The following FBXW10 variants were observed in gnomAD, a reference collection of about 807,000 sequenced individuals.
FBXW10 encodes F-box/WD repeat-containing protein 10.
In FBXW10, 68 loss-of-function variants were observed where a neutral mutation model predicts 113.1. The observed-to-expected ratio is 0.60, with a 90% CI of 0.49 to 0.74. FBXW10 has a LOEUF of 0.74. FBXW10 is among the 30% of genes least tolerant of loss of function. FBXW10 has a pLI of 0.00. For missense variants in FBXW10, 753 were observed against 1,284.5 expected (o/e 0.59, Z 6.32); for synonymous variants, 289 against 481.6 (o/e 0.60, Z 5.24).
At chr17:18,767,267 T>A (rs933799068) in intron 9 of FBXW10, among the ~76,000 whole-genome samples, 7 of 151,726 alleles carry the variant, frequency 4.6e-5, no homozygotes, top group Non-Finnish European at 7.4e-5. Context: ...GGTCAGGAGT[T>A]CGAGACCAGC....
intron 11 of FBXW10, among the ~76,000 whole-genome samples, chr17:18,771,503 C>T (rs190308992): frequency 7.2e-5 from 11 of 152,064 alleles, no homozygotes; most frequent in South Asian, 2.1e-4. Flanking sequence ...AAGTGGGGAT[C>T]AGAGAAGTTA....
intron 6 of FBXW10, among the ~76,000 whole-genome samples, chr17:18,757,879 T>G (rs2035296773): frequency 6.6e-6 from 1 of 152,224 alleles, no homozygotes; most frequent in African/African-American, 2.4e-5. Context: ...GAACCTAATA[T>G]ATGCTCACTG....
chr17:18,749,803 G>C lies in FBXW10; in HGVS notation c.752G>C (p.Gly251Ala). 6.2e-7 allele frequency: 1 copy of C among 1,614,148 alleles called. No homozygotes were observed. Among genetic ancestry groups the C allele is most frequent in the Non-Finnish European group, 8.5e-7 (1 of 1,180,022 alleles). The change falls in exon 3 of 14, where the codon GGG (glycine) becomes GCG (alanine). Residue 251 changes from glycine (G) to alanine (A), a missense_variant. Transcript: ENST00000395665. ...GGAAAAGGAGACATAACCAAGCCAG[G>C]GTACGATCCCTGCAATCTATTGGTT... ...FSGKGDITKP[G>A]YDPCNLLVDL... is the part of the protein sequence containing the mutation.
At chr17:18,777,235 TG>T (rs2151835952) in intron 13 of FBXW10, among the ~76,000 whole-genome samples, 2 of 151,642 alleles carry the variant, frequency 1.3e-5, no homozygotes, top group African/African-American at 4.8e-5. Context: ...CTAATTTTTT[TG>T]TATTTTTAGT....
chr17:18,758,830 T>TC (rs985360708), intron 7 of FBXW10, among the ~76,000 whole-genome samples: 1 of 148,024 alleles, frequency 6.8e-6, no homozygotes, highest in Non-Finnish European at 1.5e-5. Context: ...GAACGTGGTT[T>TC]TTATGGGTTT....
chr17:18,762,488 T>C (rs972832134), intron 7 of FBXW10, among the ~76,000 whole-genome samples: 2 of 151,550 alleles, frequency 1.3e-5, no homozygotes, highest in African/African-American at 4.9e-5. Context: ...CGGCGGCTAA[T>C]GTTTTTTTGT....
At chr17:18,760,505 C>T (rs553485508) in intron 7 of FBXW10, among the ~76,000 whole-genome samples, 3 of 152,286 alleles carry the variant, frequency 2.0e-5, no homozygotes, top group South Asian at 4.1e-4. Context: ...TTTTGTTGAA[C>T]AAAAATTCTC....
chr17:18,749,963 C>T, intron 3 of FBXW10, 41 bp downstream of exon 3: 6 of 1,613,504 alleles, frequency 3.7e-6, no homozygotes, highest in Non-Finnish European at 5.1e-6. Context: ...GACACCTCCC[C>T]TCTTGGCCCA....
chr17:18,768,734 G>A (rs1020939043), intron 10 of FBXW10, 58 bp downstream of exon 10: 71 of 1,575,898 alleles, frequency 4.5e-5, no homozygotes, highest in Non-Finnish European at 5.9e-5. Flanking sequence ...CCCCGTCATA[G>A]CCTAGACTGC....
Position 18,748,117 on chromosome 17 carries a change from T to C in FBXW10, c.670+12T>C. The C allele has an allele frequency of 6.2e-7, 1 of 1,613,706 alleles. No homozygotes were observed. Among genetic ancestry groups the C allele is most frequent in the Non-Finnish European group, 8.5e-7 (1 of 1,179,756 alleles). ...AGCATCTAACCCTGGTAAGTGAACT[T>C]TCAGCAAGAAAGCCAATATGGGCTA... is the stretch of plus-strand genomic sequence containing the variant. On this transcript the variant is annotated intron_variant, in intron 2 of 13. Coordinates refer to ENST00000395665, the MANE Select transcript of FBXW10 (RefSeq NM_001267585.2).
At chr17:18,773,561 T>C (rs1415440615) in intron 12 of FBXW10, among the ~76,000 whole-genome samples, 1 of 152,184 alleles carries the variant, frequency 6.6e-6, no homozygotes, top group African/African-American at 2.4e-5. Flanking sequence ...ATCCAAATAA[T>C]ACATTATGTG....
intron 2 of FBXW10, among the ~76,000 whole-genome samples, chr17:18,749,145 T>A (rs1289361017): frequency 6.6e-6 from 1 of 152,162 alleles, no homozygotes; most frequent in Non-Finnish European, 1.5e-5. Context: ...TTGGAGTATT[T>A]TTAAGAAAAT....
At chr17:18,751,920 C>T (rs577143653) in intron 5 of FBXW10, among the ~76,000 whole-genome samples, 4 of 152,268 alleles carry the variant, frequency 2.6e-5, no homozygotes, top group Admixed American at 6.5e-5. Context: ...GAAGACTCTT[C>T]GAGCTCTTTG....
In FBXW10 at chr17:18,773,208, C is replaced by G. The variant is rs535016304; in HGVS notation, c.2278+525C>G. ...TTGGCTTCCCAAAGTGCTGGGATTA[C>G]AGGTGTGGGCCACCGTGCCCGGCCT... On this transcript the variant is annotated intron_variant, in intron 12 of 13. Transcript: ENST00000395665. Among the ~76,000 whole-genome samples, 12 of 152,220 alleles carry G rather than the reference C, an allele frequency of 7.9e-5. No homozygotes were observed. The South Asian group carries it at 2.5e-3, about 32-fold the overall frequency.
At position 18,772,599 on chromosome 17, in the gene FBXW10, A is replaced by G. The variant is rs771107608; in HGVS notation, c.2194A>G (p.Ser732Gly). The change falls in exon 12 of 14, where the codon AGT becomes GGT. Residue 732 changes from serine to glycine, a missense_variant. Coordinates refer to ENST00000395665, the MANE Select transcript of FBXW10 (RefSeq NM_001267585.2). ...TCACAGCCCAAGAGAGTCTGTATCC[A>G]GTAAACAAACTGTGATCCAAGAGCT... ...QVHSPRESVS[S>G]KQTVIQELLP... is the part of the protein sequence containing the mutation. The G allele has an allele frequency of 5.6e-6, 9 of 1,613,834 alleles. No individual in the cohort carries two copies. The South Asian group carries it at 7.7e-5, about 14-fold the overall frequency.
In FBXW10 at chr17:18,750,912, AT is replaced by A. The variant is rs1228399160; in HGVS notation, c.1000-13del. 6.2e-7 allele frequency: 1 copy of A among 1,605,468 alleles called. No homozygotes were observed. Among genetic ancestry groups the A allele is most frequent in the South Asian group, 1.1e-5 (1 of 89,578 alleles). On this transcript the variant is annotated intron_variant, in intron 4 of 13. Transcript: ENST00000395665. ...TTTTCTGTTTTTATTTTTATTTTTT[AT>A]TTTTTGTCTTTTTCCAGGGGTCCTA...
intron 5 of FBXW10, among the ~76,000 whole-genome samples, 164 bp from the exon 6 acceptor site, chr17:18,755,881 G>A (rs1351583243): frequency 6.6e-6 from 1 of 152,112 alleles, no homozygotes; most frequent in Non-Finnish European, 1.5e-5. Flanking sequence ...GGTTTCCTTT[G>A]GTGCTTGCTC....
chr17:18,755,586 T>C (rs1313820688), intron 5 of FBXW10, among the ~76,000 whole-genome samples: 1 of 151,850 alleles, frequency 6.6e-6, no homozygotes, highest in Non-Finnish European at 1.5e-5. Context: ...TAGCATAGCA[T>C]GTGTAGCAGT....
chr17:18,774,154 G>T (rs961135469), intron 12 of FBXW10, among the ~76,000 whole-genome samples: 8 of 152,174 alleles, frequency 5.3e-5, no homozygotes, highest in African/African-American at 1.9e-4. Context: ...GCTGTAAAGA[G>T]GTGACAATCA....
Sources: gnomAD v4.1 joint callset for allele counts (sites outside exome capture counted in the v4.1 genomes callset) on GRCh38, gnomAD v4.1.1 for gene constraint, MANE v1.5 for transcripts, NCBI Gene and HGNC (gene_info 2026-07-23, HGNC 2026-07-21) for gene names.